Variants in KMT2E observed in about 807,000 individuals in gnomAD.
The protein encoded by KMT2E is histone reader KMT2E.
Under a neutral mutation model 184.6 loss-of-function variants are expected in KMT2E, and 30 were observed. The observed-to-expected ratio is 0.16, with a 90% CI of 0.12 to 0.22. KMT2E has a LOEUF of 0.22. Among genes scored for constraint, KMT2E ranks in the 10% least tolerant of loss-of-function variants. The pLI, the probability that KMT2E is intolerant of heterozygous loss-of-function variation, is 1.00. For synonymous variants in KMT2E, 815 were observed against 776.5 expected, an observed-to-expected ratio of 1.05 and a Z score of -0.82; for missense variants, 2,023 against 2,237.4, an observed-to-expected ratio of 0.90 and a Z score of 1.93.
At position 105,081,697 on chromosome 7, in the gene KMT2E, G is replaced by A. The variant is rs1169822744; in HGVS notation, c.1258G>A (p.Glu420Lys). ...SCTPNAEVRH[E>K]IQDGTIHLYI... ...TTATTTTAACTTTTAGGTGAGGCAT[G>A]AAATTCAAGATGGAACCATACATCT... Residue 420 changes from glutamate to lysine, a missense_variant, in exon 13 of 27, where the codon GAA becomes AAA. Physicochemically the swap from Glu to Lys is moderately conservative, Grantham distance 56 (BLOSUM62 1). Coordinates refer to ENST00000311117, the MANE Select transcript of KMT2E (RefSeq NM_182931.3). 7 of 1,457,952 alleles carry A rather than the reference G, an allele frequency of 4.8e-6. No individual in the cohort carries two copies. In the African/African-American group the frequency reaches 9.9e-5, roughly 21 times the overall value. The allele number at this position is 1,457,952 out of a possible 1,614,324, so 90.3% of individuals were successfully genotyped here. A position where few individuals can be genotyped will look rare whatever the true frequency, so the allele number is the denominator to read the frequency against.
Position 105,034,431 on chromosome 7 carries a change from T to A in KMT2E, c.-188-3695T>A, listed in dbSNP as rs995939596. 1.4e-4 allele frequency among the ~76,000 whole-genome samples: 22 copies of A among 152,072 alleles called. 1 individual carries two copies. Among genetic ancestry groups the A allele is most frequent in the African/African-American group, 5.1e-4 (21 of 41,384 alleles). On this transcript the variant is annotated intron_variant, in intron 1 of 26. Transcript: ENST00000311117. ...TATTTTTGTGGAGTTTGGGTCACAC[T>A]CTGTAGCCCAGGCTGTTCTGAAACT...
intron 26 of KMT2E, 27 bp downstream of exon 26, chr7:105,110,895 T>G: frequency 6.6e-7 from 1 of 1,509,580 alleles, no homozygotes; most frequent in South Asian, 1.1e-5. Context: ...TTCGATGGGT[T>G]CCAAAGGACT....
chr7:105,092,762 G>A (rs760851480), intron 15 of KMT2E, among the ~76,000 whole-genome samples: 16 of 152,140 alleles, frequency 1.1e-4, no homozygotes, highest in Non-Finnish European at 2.1e-4. Flanking sequence ...AACTGACACA[G>A]CCTTGTGCTG....
At chr7:105,015,431 A>G (rs964916714) in intron 1 of KMT2E, among the ~76,000 whole-genome samples, 1 of 152,186 alleles carries the variant, frequency 6.6e-6, no homozygotes, top group Non-Finnish European at 1.5e-5. Context: ...TCAAAGAGGA[A>G]TCGCTAGAGT....
At chr7:105,088,694 C>T (rs1798084610) in intron 13 of KMT2E, among the ~76,000 whole-genome samples, 1 of 152,110 alleles carries the variant, frequency 6.6e-6, no homozygotes, top group Non-Finnish European at 1.5e-5. Flanking sequence ...GTCATACAGA[C>T]CTGGATCTAA....
chr7:105,100,614 G>A (rs1256488618), intron 15 of KMT2E, among the ~76,000 whole-genome samples: 1 of 152,140 alleles, frequency 6.6e-6, no homozygotes, highest in African/African-American at 2.4e-5. Flanking sequence ...AGGAACACTT[G>A]GCTGTTTCTC....
chr7:105,050,180 A>G (rs1190658464), intron 3 of KMT2E, among the ~76,000 whole-genome samples: 1 of 152,218 alleles, frequency 6.6e-6, no homozygotes, highest in Non-Finnish European at 1.5e-5. Flanking sequence ...GTTGCACAAC[A>G]CTACTATAAC....
rs1799416822 is a variant in KMT2E at position 105,113,340 on chromosome 7, C to A, written c.*7C>A. 11 of 1,593,550 alleles carry A rather than the reference C, an allele frequency of 6.9e-6. No homozygotes were observed. Among genetic ancestry groups the A allele is most frequent in the Non-Finnish European group, 8.6e-6 (10 of 1,166,026 alleles). On this transcript the variant is annotated 3_prime_UTR_variant, in exon 27 of 27. Coordinates refer to ENST00000311117, the MANE Select transcript of KMT2E (RefSeq NM_182931.3). Reference sequence around the variant, plus strand: ...TGGGTCAGGGTGGCATTAAAATGGACTCCAAAAACATTTTTTTAAATGTTC... The same window carrying A: ...TGGGTCAGGGTGGCATTAAAATGGAATCCAAAAACATTTTTTTAAATGTTC...
intron 1 of KMT2E, among the ~76,000 whole-genome samples, chr7:105,031,078 T>C (rs1439156359): frequency 6.6e-6 from 1 of 152,098 alleles, no homozygotes; most frequent in South Asian, 2.1e-4. Flanking sequence ...CAGAATAGGC[T>C]GGGCACGGTG....
chr7:105,087,171 A>T (rs1224426649), intron 13 of KMT2E, among the ~76,000 whole-genome samples: 1 of 146,792 alleles, frequency 6.8e-6, no homozygotes, highest in Admixed American at 6.9e-5. Flanking sequence ...GGTATATAAT[A>T]AAATATATAT....
intron 1 of KMT2E, among the ~76,000 whole-genome samples, chr7:105,025,518 T>C (rs1584691472): frequency 6.6e-6 from 1 of 152,186 alleles, no homozygotes; most frequent in Non-Finnish European, 1.5e-5. Flanking sequence ...TATAGATGTT[T>C]CCTTAATCTT....
intron 15 of KMT2E, among the ~76,000 whole-genome samples, chr7:105,092,490 A>G (rs1430923604): frequency 6.6e-6 from 1 of 152,180 alleles, no homozygotes; most frequent in Non-Finnish European, 1.5e-5. Context: ...TGAATTATTG[A>G]TACTCAAAAT....
intron 1 of KMT2E, among the ~76,000 whole-genome samples, chr7:105,033,387 A>G (rs1042763689): frequency 5.9e-5 from 9 of 152,228 alleles, no homozygotes; most frequent in African/African-American, 2.2e-4. Context: ...AATTCTATGT[A>G]TTTTTACCCA....
At chr7:105,075,149 C>T (rs1203383112) in intron 8 of KMT2E, among the ~76,000 whole-genome samples, 2 of 150,376 alleles carry the variant, frequency 1.3e-5, no homozygotes, top group African/African-American at 2.4e-5. Flanking sequence ...ATCCACTTAG[C>T]TTTTCTTCCC....
chr7:105,084,154 G>T (rs1192779953), intron 13 of KMT2E, among the ~76,000 whole-genome samples: 1 of 152,144 alleles, frequency 6.6e-6, no homozygotes, highest in Non-Finnish European at 1.5e-5. Flanking sequence ...TTTTACAATG[G>T]TACTTATGCT....
At chr7:105,067,133 A>G (rs939142048) in intron 6 of KMT2E, among the ~76,000 whole-genome samples, 4 of 150,876 alleles carry the variant, frequency 2.7e-5, no homozygotes, top group African/African-American at 7.3e-5. Flanking sequence ...CATCGATTCT[A>G]ACATACGCTT....
chr7:105,111,784 A>G (rs1799300199), intron 26 of KMT2E, 41 bp from the exon 27 acceptor site: 1 of 1,555,766 alleles, frequency 6.4e-7, no homozygotes, highest in African/African-American at 1.4e-5. Context: ...AAGGTACACA[A>G]AATGTTCCTT....
Position 105,112,476 on chromosome 7 carries a change from G to A in KMT2E, c.4720G>A (p.Gly1574Ser). The A allele has an allele frequency of 6.2e-7, 1 of 1,613,894 alleles. No homozygotes were observed. The highest frequency in any genetic ancestry group is 8.5e-7 in the Non-Finnish European group (1 of 1,179,998). ...ANFQNYNQLK[G>S]SLSQQTVFTS... ...CTTTCAGAATTATAATCAGCTCAAA[G>A]GTAGTCTTTCTCAACAAACTGTGTT... Residue 1574 changes from glycine to serine, a missense_variant, in exon 27 of 27, where the codon GGT becomes AGT. Coordinates refer to ENST00000311117, the MANE Select transcript of KMT2E (RefSeq NM_182931.3).
At chr7:105,049,988 A>G (rs935367446) in intron 3 of KMT2E, among the ~76,000 whole-genome samples, 8 of 152,294 alleles carry the variant, frequency 5.3e-5, no homozygotes, top group African/African-American at 1.7e-4. Flanking sequence ...TCACCTTTTC[A>G]GAATCTTCAT....
Sources: gnomAD v4.1 joint callset for allele counts (sites outside exome capture counted in the v4.1 genomes callset) on GRCh38, gnomAD v4.1.1 for gene constraint, MANE v1.5 for transcripts, NCBI Gene and HGNC (gene_info 2026-07-23, HGNC 2026-07-21) for gene names.